The following ANKRD10 variants were observed in gnomAD, a reference collection of about 807,000 sequenced individuals.
ANKRD10 encodes ankyrin repeat domain-containing protein 10.
ANKRD10 carries 14 observed loss-of-function variants against 27.0 expected under a neutral mutation model. The ratio of observed to expected loss-of-function variants is 0.52; its 90% confidence interval spans 0.34 to 0.81. The LOEUF is 0.81. Among genes scored for constraint, ANKRD10 ranks in the 40% least tolerant of loss-of-function variants. The probability of loss-of-function intolerance (pLI) is 0.01; values close to 1 mark genes in which losing one functional copy is unlikely to be tolerated. For synonymous variants in ANKRD10, 250 were observed against 224.5 expected (o/e 1.11, Z -1.01); for missense variants, 493 against 544.0 (o/e 0.91, Z 0.93).
intron 4 of ANKRD10, among the ~76,000 whole-genome samples, chr13:110,890,363 G>A (rs2065042335): frequency 6.6e-6 from 1 of 151,492 alleles, no homozygotes; most frequent in African/African-American, 2.4e-5. Context: ...GTAAAAGGGG[G>A]GCAAAAAATC....
intron 4 of ANKRD10, among the ~76,000 whole-genome samples, chr13:110,887,554 C>CTA (rs1555319396): frequency 1.3e-5 from 2 of 152,196 alleles, no homozygotes; most frequent in Non-Finnish European, 2.9e-5. Context: ...AAAAAGCACT[C>CTA]TATAAAGTCA....
chr13:110,913,171 A>C (rs1248160066), intron 1 of ANKRD10, among the ~76,000 whole-genome samples: 1 of 152,248 alleles, frequency 6.6e-6, no homozygotes, highest in Non-Finnish European at 1.5e-5. Context: ...TGAGGCTTTA[A>C]GCATTCTACA....
At position 110,914,918 on chromosome 13, in the gene ANKRD10, G is replaced by A. The variant is rs993187634; in HGVS notation, c.17C>T (p.Ala6Val). The change falls in exon 1 of 6, where the codon GCG (alanine) becomes GTG (valine). Residue 6 changes from alanine to valine, a missense_variant. Physicochemically the swap from Ala to Val is moderately conservative, Grantham distance 64. Coordinates refer to ENST00000267339, the MANE Select transcript of ANKRD10 (RefSeq NM_017664.4). The part of the protein sequence containing the change: MSAAG[A>V]GAGVEAGFSS... ...GAAGCCCGCCTCTACGCCCGCGCCC[G>A]CTCCCGCCGCCGACATGGTCCGTCA... 5.2e-6 allele frequency: 8 copies of A among 1,534,186 alleles called. No individual in the cohort carries two copies. In the African/African-American group the frequency reaches 9.6e-5, roughly 18 times the overall value.
intron 4 of ANKRD10, among the ~76,000 whole-genome samples, chr13:110,890,221 ATAAT>A: frequency 6.6e-6 from 1 of 152,364 alleles, no homozygotes; most frequent in African/African-American, 2.4e-5. Context: ...TAATATGGAA[ATAAT>A]TATATATCTA....
At chr13:110,912,369 C>T (rs544252890) in intron 1 of ANKRD10, among the ~76,000 whole-genome samples, 17 of 152,316 alleles carry the variant, frequency 1.1e-4, no homozygotes, top group Admixed American at 9.8e-4. Context: ...ATTCAAAACA[C>T]CCTCTTCAAC....
intron 3 of ANKRD10, chr13:110,904,117 T>C (rs1400131691): frequency 6.6e-6 from 1 of 152,236 alleles, no homozygotes; most frequent in East Asian, 1.9e-4. Context: ...ACAATAGCAA[T>C]GAATAATGAT....
At chr13:110,880,264 A>G (rs952570318) in intron 5 of ANKRD10, 152 bp from the exon 6 acceptor site, 20 of 687,520 alleles carry the variant, frequency 2.9e-5, no homozygotes, top group African/African-American at 2.2e-4. Flanking sequence ...ATCAATGTGC[A>G]TAAGTAGACT....
At chr13:110,887,822 C>T (rs2064972461) in intron 4 of ANKRD10, among the ~76,000 whole-genome samples, 1 of 152,128 alleles carries the variant, frequency 6.6e-6, no homozygotes, top group Non-Finnish European at 1.5e-5. Flanking sequence ...GCCAAATGGC[C>T]CAGGACCCCT....
chr13:110,887,092 T>G (rs998127536), intron 4 of ANKRD10, among the ~76,000 whole-genome samples: 1 of 152,146 alleles, frequency 6.6e-6, no homozygotes, highest in Non-Finnish European at 1.5e-5. Context: ...CTAGAGCCAG[T>G]AGAGCACGCC....
rs895786469 is a variant in ANKRD10, at chr13:110,879,849, T to A, written c.1051A>T (p.Asn351Tyr). Residue 351 changes from asparagine to tyrosine, a missense_variant, in exon 6 of 6, where the codon AAC (asparagine) becomes TAC (tyrosine). By Grantham distance (143) the Asn-to-Tyr change is moderately radical. Transcript: ENST00000267339. Reference protein sequence around the residue: ...NPELCGSLHLNGSPSSCIASR... With the variant: ...NPELCGSLHLYGSPSSCIASR... ...GCTATGCAGCTACTTGGACTCCCGT[T>A]CAGGTGCAGAGAACCGCACAACTCA... 2.5e-6 allele frequency: 4 copies of A among 1,614,128 alleles called. No individual in the cohort carries two copies. Among genetic ancestry groups the A allele is most frequent in the Non-Finnish European group, 3.4e-6 (4 of 1,180,050 alleles).
chr13:110,880,238 C>T (rs1293740320), intron 5 of ANKRD10, 126 bp from the exon 6 acceptor site: 7 of 821,248 alleles, frequency 8.5e-6, no homozygotes, highest in Admixed American at 5.8e-5. Flanking sequence ...TAAACCAGTT[C>T]TTTTTTCAAA....
chr13:110,883,873 T>G, intron 4 of ANKRD10, 80 bp from the exon 5 acceptor site: 2 of 1,521,266 alleles, frequency 1.3e-6, no homozygotes, highest in East Asian at 4.8e-5. Context: ...TACATTATTT[T>G]GTGTGAGCAC....
intron 4 of ANKRD10, among the ~76,000 whole-genome samples, chr13:110,887,741 C>T (rs1369953186): frequency 6.6e-6 from 1 of 152,206 alleles, no homozygotes; most frequent in Non-Finnish European, 1.5e-5. Flanking sequence ...GATTAGTCAT[C>T]TACCTTTTAC....
At chr13:110,907,690 G>A (rs751362368) in intron 2 of ANKRD10, among the ~76,000 whole-genome samples, 1 of 152,060 alleles carries the variant, frequency 6.6e-6, no homozygotes, top group Non-Finnish European at 1.5e-5. Flanking sequence ...AAAACCATGC[G>A]GCTATAAACT....
At chr13:110,894,462 G>A (rs2065176012) in intron 3 of ANKRD10, 1 of 248,916 alleles carries the variant, frequency 4.0e-6, no homozygotes, top group South Asian at 9.9e-5. Context: ...CAGAATTAGG[G>A]ACAAATAATA....
At chr13:110,887,920 G>A (rs980215212) in intron 4 of ANKRD10, among the ~76,000 whole-genome samples, 1 of 152,356 alleles carries the variant, frequency 6.6e-6, no homozygotes, top group East Asian at 1.9e-4. Context: ...AAGGCAGCAA[G>A]GAAAGACACT....
intron 4 of ANKRD10, among the ~76,000 whole-genome samples, chr13:110,886,297 T>C (rs185193312): frequency 6.6e-6 from 1 of 152,388 alleles, no homozygotes; most frequent in African/African-American, 2.4e-5. Flanking sequence ...ATTGAGTAGA[T>C]GCATCTTTTG....
At chr13:110,908,002 T>G (rs1388484918) in intron 2 of ANKRD10, among the ~76,000 whole-genome samples, 1 of 152,054 alleles carries the variant, frequency 6.6e-6, no homozygotes, top group Non-Finnish European at 1.5e-5. Flanking sequence ...GGACAATCTT[T>G]AGGGGCAGAG....
Position 110,909,646 on chromosome 13 carries a change from C to T in ANKRD10, c.363+972G>A, listed in dbSNP as rs886518335. 7.2e-5 allele frequency among the ~76,000 whole-genome samples: 11 copies of T among 152,238 alleles called. No homozygotes were observed. The South Asian group carries it at 1.2e-3, about 17-fold the overall frequency. The stretch of plus-strand genomic sequence containing the variant: ...GGGGACAAACTGCCTTATAACTTAC[C>T]CCACTTTCCCATTGATCCTTGTTTT... On this transcript the variant is annotated intron_variant, in intron 2 of 5. Coordinates refer to ENST00000267339, the MANE Select transcript of ANKRD10 (RefSeq NM_017664.4).
Sources: allele counts gnomAD v4.1 joint callset (sites outside exome capture counted in the v4.1 genomes callset), GRCh38; gene constraint gnomAD v4.1.1; transcripts MANE v1.5; gene names NCBI Gene and HGNC (gene_info 2026-07-23, HGNC 2026-07-21).